Variants in PTPRD observed in about 807,000 individuals in gnomAD.
The protein encoded by PTPRD is receptor-type tyrosine-protein phosphatase delta.
PTPRD carries 34 observed loss-of-function variants against 214.5 expected under a neutral mutation model. The observed-to-expected ratio is 0.16, with a 90% CI of 0.12 to 0.21. The LOEUF is 0.21. Ranked by LOEUF, PTPRD falls within the 10% of genes least tolerant of loss-of-function variation. The probability of loss-of-function intolerance (pLI) is 1.00; values close to 1 mark genes in which losing one functional copy is unlikely to be tolerated. For missense variants in PTPRD, 2,545 were observed against 2,398.7 expected (o/e 1.06, Z -1.27); for synonymous variants, 1,128 against 845.7 (o/e 1.33, Z -5.79).
At chr9:10,438,082 T>A (rs1384004200) in intron 2 of PTPRD, among the ~76,000 whole-genome samples, 1 of 148,170 alleles carries the variant, frequency 6.7e-6, no homozygotes, top group East Asian at 2.0e-4. Flanking sequence ...TTCAGAAAAA[T>A]TTGATTTACT....
At chr9:9,830,656 A>T (rs2153602246) in intron 5 of PTPRD, among the ~76,000 whole-genome samples, 1 of 152,038 alleles carries the variant, frequency 6.6e-6, no homozygotes, top group South Asian at 2.1e-4. Flanking sequence ...GATCATTCAT[A>T]ATCTTTGCAT....
rs372501084 is a variant in PTPRD at position 9,036,165 on chromosome 9, C to T, written c.-142-17430G>A. On this transcript the variant is annotated intron_variant, in intron 10 of 45. Transcript: ENST00000381196. The stretch of plus-strand genomic sequence containing the variant: ...TCAATAATCATAAATTCTTATTGGC[C>T]TCTGGATAGGATTGCCCTCCTCATT... Among the ~76,000 whole-genome samples the T allele has an allele frequency of 1.6e-4, 24 of 150,582 alleles. No homozygotes were observed. In the East Asian group the frequency reaches 1.8e-3, roughly 11 times the overall value.
chr9:9,082,927 C>T (rs1390870392), intron 10 of PTPRD, among the ~76,000 whole-genome samples: 2 of 152,142 alleles, frequency 1.3e-5, no homozygotes, highest in African/African-American at 4.8e-5. Context: ...GAAAAACATT[C>T]CATGCTCATG....
intron 11 of PTPRD, among the ~76,000 whole-genome samples, chr9:8,778,379 G>T (rs535975173): frequency 1.3e-4 from 20 of 152,206 alleles, no homozygotes; most frequent in Non-Finnish European, 2.9e-4. Context: ...TCTTTTGCCT[G>T]GCCAATATCT....
Position 8,934,129 on chromosome 9 carries a change from A to C in PTPRD, c.-104+84568T>G, listed in dbSNP as rs1289962673. Among the ~76,000 whole-genome samples, 5 of 151,870 alleles carry C rather than the reference A, an allele frequency of 3.3e-5. 1 individual carries two copies. Among genetic ancestry groups the C allele is most frequent in the African/African-American group, 9.7e-5 (4 of 41,352 alleles). ...TGCAAATGGCTAATGCTGAACTGAT[A>C]AGAGAGAAAGAGAGAATTGGTAACA... On this transcript the variant is annotated intron_variant, in intron 11 of 45. Transcript: ENST00000381196.
intron 11 of PTPRD, among the ~76,000 whole-genome samples, chr9:8,761,117 G>T (rs1328735561): frequency 6.6e-6 from 1 of 152,114 alleles, no homozygotes; most frequent in Non-Finnish European, 1.5e-5. Context: ...AAAGACAGAA[G>T]CTGATTTCAT....
intron 8 of PTPRD, among the ~76,000 whole-genome samples, chr9:9,571,045 C>G (rs1203126030): frequency 6.6e-6 from 1 of 151,324 alleles, no homozygotes; most frequent in Non-Finnish European, 1.5e-5. Context: ...CATGACATGG[C>G]TTAGACTAAG....
chr9:8,599,823 G>T (rs1466499225), intron 14 of PTPRD, among the ~76,000 whole-genome samples: 6 of 151,838 alleles, frequency 4.0e-5, no homozygotes, highest in Non-Finnish European at 7.4e-5. Context: ...CTCCATGTTG[G>T]TCAGGCTGGT....
chr9:9,778,586 T>C (rs1274848497), intron 5 of PTPRD, among the ~76,000 whole-genome samples: 2 of 152,168 alleles, frequency 1.3e-5, no homozygotes, highest in African/African-American at 4.8e-5. Flanking sequence ...CTGCTGTCTG[T>C]CTGCCCCTCC....
At chr9:8,415,272 T>C (rs2131275002) in intron 35 of PTPRD, among the ~76,000 whole-genome samples, 1 of 152,258 alleles carries the variant, frequency 6.6e-6, no homozygotes, top group South Asian at 2.1e-4. Flanking sequence ...AAACCAACAA[T>C]TTAGCCCTTT....
chr9:8,570,593 T>G (rs1272965949), intron 14 of PTPRD, among the ~76,000 whole-genome samples: 1 of 152,162 alleles, frequency 6.6e-6, no homozygotes, highest in African/African-American at 2.4e-5. Context: ...GACTGCCCGT[T>G]AGGCACATTC....
chr9:8,576,463 G>T (rs993285566), intron 14 of PTPRD, among the ~76,000 whole-genome samples: 2 of 151,870 alleles, frequency 1.3e-5, no homozygotes, highest in Non-Finnish European at 2.9e-5. Flanking sequence ...GTTTCCTAAA[G>T]CTTCACATTT....
chr9:9,738,310 T>C lies in PTPRD; in HGVS notation c.-325-3739A>G, dbSNP rs181318915. ...ATCATAGCTATATGGTGGAATGTGA[T>C]GGATCTCACTGTAGTTTTAATGTTT... On this transcript the variant is annotated intron_variant, in intron 6 of 45. Transcript: ENST00000381196. Among the ~76,000 whole-genome samples, 475 of 152,276 alleles carry C rather than the reference T, an allele frequency of 3.1e-3. 2 individuals are homozygous for C. Among genetic ancestry groups the C allele is most frequent in the African/African-American group, 0.011 (459 of 41,578 alleles).
intron 9 of PTPRD, among the ~76,000 whole-genome samples, chr9:9,347,173 A>G (rs1205803721): frequency 6.6e-6 from 1 of 152,088 alleles, no homozygotes; most frequent in Non-Finnish European, 1.5e-5. Flanking sequence ...TGTTTGAAAC[A>G]AACATAAGCC....
At chr9:9,553,147 C>G (rs574160189) in intron 8 of PTPRD, among the ~76,000 whole-genome samples, 3 of 151,990 alleles carry the variant, frequency 2.0e-5, no homozygotes, top group Non-Finnish European at 2.9e-5. Flanking sequence ...TTACTGCAGT[C>G]GCCTGCTCCT....
At chr9:8,643,780 C>A (rs2096628352) in intron 12 of PTPRD, among the ~76,000 whole-genome samples, 1 of 152,174 alleles carries the variant, frequency 6.6e-6, no homozygotes, top group Admixed American at 6.5e-5. Context: ...GGAAGGGAAG[C>A]CAAGTGGGGA....
intron 10 of PTPRD, among the ~76,000 whole-genome samples, chr9:9,182,749 A>G (rs1181039551): frequency 6.6e-6 from 1 of 152,088 alleles, no homozygotes; most frequent in Non-Finnish European, 1.5e-5. Context: ...GTCACAAAGT[A>G]GTGAGAACTG....
chr9:10,017,365 T>C (rs2096742102), intron 4 of PTPRD, among the ~76,000 whole-genome samples: 1 of 152,154 alleles, frequency 6.6e-6, no homozygotes, highest in African/African-American at 2.4e-5. Flanking sequence ...TGCATATATT[T>C]AATTTTTTGG....
intron 3 of PTPRD, among the ~76,000 whole-genome samples, chr9:10,295,922 G>A (rs1304013029): frequency 6.6e-6 from 1 of 151,998 alleles, no homozygotes; most frequent in Non-Finnish European, 1.5e-5. Flanking sequence ...GGCTTCCTCA[G>A]ATCTCAGACT....
Sources: allele counts gnomAD v4.1 joint callset (sites outside exome capture counted in the v4.1 genomes callset), GRCh38; gene constraint gnomAD v4.1.1; transcripts MANE v1.5; gene names NCBI Gene and HGNC (gene_info 2026-07-23, HGNC 2026-07-21).